The following CCDC144A variants were observed in gnomAD, a reference collection of about 807,000 sequenced individuals.
CCDC144A encodes the protein coiled-coil domain containing 144A, also known as coiled-coil domain-containing protein 144A.
Under a neutral mutation model 143.8 loss-of-function variants are expected in CCDC144A, and 41 were observed. That is an observed-to-expected ratio of 0.29 (90% CI 0.22 to 0.37). The LOEUF (loss-of-function observed/expected upper bound fraction) is 0.37. CCDC144A is among the 10% of genes least tolerant of loss of function. The pLI is 1.00. For missense variants in CCDC144A, 637 were observed against 1,488.8 expected (o/e 0.43, Z 9.41); for synonymous variants, 242 against 517.9 (o/e 0.47, Z 7.23).
At chr17:16,705,569 A>G (rs1912002962) in intron 3 of CCDC144A, 170 bp downstream of exon 3, 2 of 625,830 alleles carry the variant, frequency 3.2e-6, no homozygotes, top group South Asian at 3.9e-5. Flanking sequence ...TCCTTTAACC[A>G]AAGCAACATC....
At chr17:16,707,366 T>G in intron 3 of CCDC144A, 103 bp from the exon 4 acceptor site, 1 of 646,972 alleles carries the variant, frequency 1.5e-6, no homozygotes, top group Non-Finnish European at 2.7e-6. Context: ...AAACTCTCAA[T>G]TTATGAAATA....
At chr17:16,771,461 A>G (rs1915821325) in intron 15 of CCDC144A, among the ~76,000 whole-genome samples, 1 of 152,270 alleles carries the variant, frequency 6.6e-6, no homozygotes, top group Non-Finnish European at 1.5e-5. Flanking sequence ...TTCACATGGC[A>G]TCACAACAAT....
At chr17:16,677,635 C>T in the CCDC144A span, among the ~76,000 whole-genome samples, 3 of 151,960 alleles carry the variant, frequency 2.0e-5, no homozygotes, top group East Asian at 5.8e-4. Context: ...GAGTTTGAGA[C>T]CAGCCTGGCC....
rs750670625 is a variant in CCDC144A, at chr17:16,772,037, A to T, written c.4141+18A>T. ...AGTAGCAGGTATGTTACCAAAATTT[A>T]TGAATTAAATTTAGATTAAGTAATA... On this transcript the variant is annotated intron_variant, in intron 16 of 16. Coordinates refer to ENST00000399273, the MANE Select transcript of CCDC144A (RefSeq NM_001382000.1). The T allele has an allele frequency of 1.3e-6, 2 of 1,520,512 alleles. No individual in the cohort carries two copies. The highest frequency in any genetic ancestry group is 2.0e-5 in the Admixed American group (1 of 49,912). The allele number at this position is 1,520,512 out of a possible 1,614,324, so 94.2% of individuals were successfully genotyped here.
the CCDC144A span, among the ~76,000 whole-genome samples, chr17:16,669,414 A>G: frequency 6.6e-6 from 1 of 152,256 alleles, no homozygotes; most frequent in Admixed American, 6.5e-5. Flanking sequence ...CTCAGTTCTC[A>G]TATCAGCAGG....
At chr17:16,742,056 G>A (rs1396558374) in intron 12 of CCDC144A, among the ~76,000 whole-genome samples, 1 of 150,448 alleles carries the variant, frequency 6.6e-6, no homozygotes, top group Non-Finnish European at 1.5e-5. Flanking sequence ...ACCACTGCAC[G>A]CCAAGCCTGG....
chr17:16,683,887 T>C, the CCDC144A span: 1 of 1,348,672 alleles, frequency 7.4e-7, no homozygotes, highest in South Asian at 1.2e-5. Context: ...TCGTCTACGC[T>C]GATGGCTGCT....
At chr17:16,704,854 T>C (rs58672902) in intron 2 of CCDC144A, among the ~76,000 whole-genome samples, 8,740 of 152,228 alleles carry the variant, frequency 0.057, 823 homozygotes, top group African/African-American at 0.2. Context: ...AAAAGATTTA[T>C]ATCCACGAAG....
At chr17:16,688,134 C>T (rs1000714163), upstream of CCDC144A, among the ~76,000 whole-genome samples, 5 of 151,712 alleles carry the variant, frequency 3.3e-5, no homozygotes, top group African/African-American at 1.2e-4. Context: ...TTTCAAAGTG[C>T]CACCCTTAAA....
At chr17:16,725,002 A>ATTTTTTTTTTTTTT (rs1167527388) in intron 8 of CCDC144A, among the ~76,000 whole-genome samples, 1 of 37,284 alleles carries the variant, frequency 2.7e-5, no homozygotes, top group African/African-American at 8.3e-5. Context: ...ATAGCTGGTA[A>ATTTTTTTTTTTTTT]TTTTTTTTTT....
At chr17:16,708,751 A>T in intron 4 of CCDC144A, 45 bp from the exon 5 acceptor site, 1 of 1,610,880 alleles carries the variant, frequency 6.2e-7, no homozygotes, top group Non-Finnish European at 8.5e-7. Context: ...GAAGACACCC[A>T]AGAAATAAAA....
intron 12 of CCDC144A, among the ~76,000 whole-genome samples, chr17:16,753,518 G>A (rs1914920068): frequency 8.0e-6 from 1 of 124,610 alleles, no homozygotes; most frequent in South Asian, 2.8e-4. Flanking sequence ...TTATTTTGTA[G>A]CTAGAATAGT....
chr17:16,715,948 A>G (rs985548926), intron 6 of CCDC144A, among the ~76,000 whole-genome samples: 4 of 152,244 alleles, frequency 2.6e-5, no homozygotes, highest in Non-Finnish European at 1.5e-5. Context: ...GAGAGAGGCC[A>G]ATGGTCACTG....
Position 16,690,544 on chromosome 17 carries a change from C to T in CCDC144A, c.144C>T (p.Gly48=). 6.2e-7 allele frequency: 1 copy of T among 1,613,840 alleles called. No homozygotes were observed. The highest frequency in any genetic ancestry group is 8.5e-7 in the Non-Finnish European group (1 of 1,179,852). ...ACCCGGGGGACCAGTGGTCCTCGGGCTTCCCCTACAGCTGGTGGAAAAACA... is the reference window on the plus strand; with the variant it reads ...ACCCGGGGGACCAGTGGTCCTCGGGTTTCCCCTACAGCTGGTGGAAAAACA... ...LGYPGDQWSS[G]FPYSWWKNSV... The change falls in exon 1 of 17, where the codon GGC becomes GGT. Residue 48 remains glycine (G), a synonymous_variant. Transcript: ENST00000399273.
chr17:16,768,869 A>G (rs866547992), intron 15 of CCDC144A, among the ~76,000 whole-genome samples: 1 of 151,678 alleles, frequency 6.6e-6, no homozygotes, highest in South Asian at 2.1e-4. Context: ...TAGAAAAGTC[A>G]AGGAAGAAGA....
intron 6 of CCDC144A, among the ~76,000 whole-genome samples, chr17:16,712,360 AG>A (rs1293788228): frequency 6.6e-6 from 1 of 152,114 alleles, no homozygotes; most frequent in Admixed American, 6.5e-5. Flanking sequence ...GTGAAGAAAA[AG>A]GCGTTTTCAT....
At position 16,777,608 on chromosome 17, in the gene CCDC144A, T is replaced by A. The variant is rs1916044499; in HGVS notation, c.*3975T>A. The stretch of plus-strand genomic sequence containing the variant: ...GGTAATTAAATAACCTACTCCTGAA[T>A]GATTGTTGGGTCAACAATGATATCA... On this transcript the variant is annotated 3_prime_UTR_variant, in exon 17 of 17. Coordinates refer to ENST00000399273, the MANE Select transcript of CCDC144A (RefSeq NM_001382000.1). 7.3e-6 allele frequency: 1 copy of A among 137,458 alleles called. No individual in the cohort carries two copies. Among genetic ancestry groups the A allele is most frequent in the Non-Finnish European group, 1.5e-5 (1 of 66,026 alleles). The allele number at this position is 137,458 out of a possible 1,614,324, so 8.5% of individuals were successfully genotyped here.
At chr17:16,730,240 G>A in intron 9 of CCDC144A, among the ~76,000 whole-genome samples, 1 of 113,614 alleles carries the variant, frequency 8.8e-6, no homozygotes, top group East Asian at 2.3e-4. Context: ...TTATTGAATA[G>A]GGTGTTCTTT....
rs1378108605 is a variant in CCDC144A at position 16,709,513 on chromosome 17, A to G, written c.1456A>G (p.Thr486Ala). 2 of 1,611,518 alleles carry G rather than the reference A, an allele frequency of 1.2e-6. No homozygotes were observed. Among genetic ancestry groups the G allele is most frequent in the Non-Finnish European group, 1.7e-6 (2 of 1,179,640 alleles). ...LSSLPPDSDR[T>A]SEVYLHEELQ... ...TTCTTTACCACCAGATTCTGACAGA[A>G]CATCAGAAGTATATCTACATGAAGA... Residue 486 changes from threonine (T) to alanine (A), a missense_variant, in exon 5 of 17, where the codon ACA (threonine) becomes GCA (alanine). Thr to Ala is a moderately conservative substitution (Grantham distance 58). Coordinates refer to ENST00000399273, the MANE Select transcript of CCDC144A (RefSeq NM_001382000.1).
Sources: gnomAD v4.1 joint callset for allele counts (sites outside exome capture counted in the v4.1 genomes callset) on GRCh38, gnomAD v4.1.1 for gene constraint, MANE v1.5 for transcripts, NCBI Gene and HGNC (gene_info 2026-07-23, HGNC 2026-07-21) for gene names.